MYO16: variants seen among roughly 807,000 people sequenced by gnomAD.
MYO16 encodes unconventional myosin-XVI.
In MYO16, 94 loss-of-function variants were observed where a neutral mutation model predicts 205.3. The observed-to-expected ratio is 0.46, with a 90% CI of 0.39 to 0.54. MYO16 has a LOEUF of 0.54. MYO16 is among the 20% of genes least tolerant of loss of function. MYO16 has a pLI of 0.00. For missense variants in MYO16, 2,315 were observed against 2,387.5 expected, an observed-to-expected ratio of 0.97 and a Z score of 0.63; for synonymous variants, 988 against 954.0, an observed-to-expected ratio of 1.04 and a Z score of -0.66.
At chr13:108,698,640 G>C (rs1883180433) in intron 2 of MYO16, among the ~76,000 whole-genome samples, 1 of 152,104 alleles carries the variant, frequency 6.6e-6, no homozygotes, top group African/African-American at 2.4e-5. Flanking sequence ...TTTCAGATAG[G>C]ACTAAAAGAC....
chr13:108,546,279 T>C, the MYO16 span, among the ~76,000 whole-genome samples: 1 of 152,146 alleles, frequency 6.6e-6, no homozygotes, highest in African/African-American at 2.4e-5. Flanking sequence ...AGCGCATCAT[T>C]TCCAGAAGGC....
At chr13:108,966,542 C>T (rs1883799166) in intron 20 of MYO16, among the ~76,000 whole-genome samples, 1 of 152,126 alleles carries the variant, frequency 6.6e-6, no homozygotes, top group South Asian at 2.1e-4. Context: ...GGGAATATTG[C>T]CACTGTGGCA....
intron 27 of MYO16, among the ~76,000 whole-genome samples, chr13:109,070,608 A>G (rs563904786): frequency 6.6e-6 from 1 of 152,300 alleles, no homozygotes; most frequent in East Asian, 1.9e-4. Context: ...AGGTTTTGAC[A>G]TTGGGTGGGT....
At chr13:109,166,830 C>G (rs1878688403) in intron 33 of MYO16, 1 of 152,160 alleles carries the variant, frequency 6.6e-6, no homozygotes, top group African/African-American at 2.4e-5. Context: ...AAATATTACT[C>G]CCAAAACTTG....
intron 28 of MYO16, among the ~76,000 whole-genome samples, chr13:109,113,366 G>A (rs1875502721): frequency 6.6e-6 from 1 of 151,820 alleles, no homozygotes; most frequent in Non-Finnish European, 1.5e-5. Context: ...GAGGGAGGAA[G>A]GGAGGGAGGA....
intron 28 of MYO16, among the ~76,000 whole-genome samples, chr13:109,118,465 C>A (rs1594101108): frequency 6.6e-6 from 1 of 152,212 alleles, no homozygotes; most frequent in African/African-American, 2.4e-5. Flanking sequence ...TCTCCTGTTT[C>A]CCTTCCACAG....
upstream of MYO16, among the ~76,000 whole-genome samples, chr13:108,594,690 T>A (rs1422451901): frequency 6.6e-6 from 1 of 152,238 alleles, no homozygotes; most frequent in African/African-American, 2.4e-5. Context: ...GGGACACTTC[T>A]TTGCATCCTT....
At chr13:108,650,236 TTTAAA>T (rs1184180293) in intron 1 of MYO16, among the ~76,000 whole-genome samples, 1 of 152,158 alleles carries the variant, frequency 6.6e-6, no homozygotes, top group African/African-American at 2.4e-5. Context: ...CATACATACT[TTTAAA>T]TTAAAAACAA....
chr13:108,654,556 T>C (rs561335439), intron 1 of MYO16, among the ~76,000 whole-genome samples: 2 of 152,304 alleles, frequency 1.3e-5, no homozygotes, highest in South Asian at 4.1e-4. Context: ...TAAACTGGTA[T>C]CAGTAGAGTG....
chr13:108,701,903 G>T (rs1025116604), intron 2 of MYO16, among the ~76,000 whole-genome samples: 1 of 152,110 alleles, frequency 6.6e-6, no homozygotes, highest in African/African-American at 2.4e-5. Flanking sequence ...AAGTTGAAAA[G>T]CACAGTAACT....
intron 27 of MYO16, among the ~76,000 whole-genome samples, chr13:109,086,058 A>T (rs2139679806): frequency 6.6e-6 from 1 of 152,312 alleles, no homozygotes; most frequent in Middle Eastern, 3.4e-3. Context: ...AGATTTATAG[A>T]GATTTGTATT....
At chr13:108,603,855 C>T (rs1483123830) in intron 1 of MYO16, among the ~76,000 whole-genome samples, 1 of 152,082 alleles carries the variant, frequency 6.6e-6, no homozygotes, top group Non-Finnish European at 1.5e-5. Flanking sequence ...TATCCTTGAT[C>T]AATAACAAAT....
At chr13:108,886,115 A>G (rs184178449) in intron 13 of MYO16, among the ~76,000 whole-genome samples, 330 of 151,948 alleles carry the variant, frequency 2.2e-3, no homozygotes, top group Middle Eastern at 6.8e-3. Flanking sequence ...AGCCTCCCGA[A>G]TAGCTGGGAC....
At chr13:109,020,016 T>G in intron 23 of MYO16, 105 bp downstream of exon 23, 1 of 1,172,670 alleles carries the variant, frequency 8.5e-7, no homozygotes, top group Non-Finnish European at 1.2e-6. Flanking sequence ...TTTGGATAAA[T>G]GGAAGCTGGA....
chr13:109,054,335 G>A, intron 25 of MYO16: 1 of 388,546 alleles, frequency 2.6e-6, no homozygotes, highest in South Asian at 1.9e-5. Context: ...TTTCTTAGTA[G>A]TTATAAAACG....
intron 33 of MYO16, among the ~76,000 whole-genome samples, chr13:109,169,326 A>G (rs567352777): frequency 2.0e-5 from 3 of 152,316 alleles, no homozygotes; most frequent in African/African-American, 7.2e-5. Context: ...AAGGAAAGAT[A>G]TGATAGTGAT....
chr13:108,767,083 T>G (rs9583288), intron 4 of MYO16, among the ~76,000 whole-genome samples: 10,428 of 151,924 alleles, frequency 0.069, 617 homozygotes, highest in East Asian at 0.24. Flanking sequence ...GTATCTGGGT[T>G]TTTGTTTGTT....
intron 20 of MYO16, among the ~76,000 whole-genome samples, chr13:108,967,293 G>A (rs184880135): frequency 5.9e-4 from 89 of 152,122 alleles, no homozygotes; most frequent in African/African-American, 2.0e-3. Context: ...TTTGTTACAC[G>A]ATGGATTCAT....
chr13:109,003,193 T>A (rs1009933386), intron 21 of MYO16, among the ~76,000 whole-genome samples: 2 of 152,188 alleles, frequency 1.3e-5, no homozygotes, highest in Non-Finnish European at 2.9e-5. Context: ...AACACAAATA[T>A]AGATTTAGTT....
Sources: allele counts gnomAD v4.1 joint callset (sites outside exome capture counted in the v4.1 genomes callset), GRCh38; gene constraint gnomAD v4.1.1; transcripts MANE v1.5; gene names NCBI Gene and HGNC (gene_info 2026-07-23, HGNC 2026-07-21).